Variants in PUDP observed in about 807,000 individuals in gnomAD.
The protein encoded by PUDP is pseudouridine 5'-phosphatase.
PUDP carries 8 observed loss-of-function variants against 9.4 expected under a neutral mutation model. That is an observed-to-expected ratio of 0.85 (90% CI 0.50 to 1.53). PUDP has a LOEUF of 1.53. Ranked by LOEUF, PUDP falls within the 40% of genes most tolerant of loss-of-function variation. The pLI is 0.00. For missense variants in PUDP, 188 were observed against 189.7 expected, an observed-to-expected ratio of 0.99 and a Z score of 0.05; for synonymous variants, 99 against 80.7, an observed-to-expected ratio of 1.23 and a Z score of -1.22.
chrX:7,109,026 C>T (rs1931964072), intron 1 of PUDP, among the ~76,000 whole-genome samples: 1 of 111,903 alleles, frequency 8.9e-6, no homozygotes, highest in Non-Finnish European at 1.9e-5. Context: ...TTGTAGAAGT[C>T]GAAGTTCAAG....
At chrX:6,873,579 T>C (rs1927207577) in intron 3 of PUDP, among the ~76,000 whole-genome samples, 1 of 111,977 alleles carries the variant, frequency 8.9e-6, no homozygotes, top group Non-Finnish European at 1.9e-5. Context: ...GATAAAATAA[T>C]GAATTGGCAA....
In PUDP at chrX:7,105,607, G is replaced by A. The variant is rs762646741; in HGVS notation, c.280+13C>T. 12 of 1,171,802 alleles carry A rather than the reference G, an allele frequency of 1.0e-5. No homozygotes were observed. Among genetic ancestry groups the A allele is most frequent in the African/African-American group, 3.6e-5 (2 of 55,979 alleles). On this transcript the variant is annotated intron_variant, in intron 2 of 3. Transcript: ENST00000381077. ...TCACAAACATAACCCTGCAAACAGC[G>A]AGGCAACCGCACCTGGCATGAGCGC...
At chrX:7,088,622 C>T (rs1322374297) in intron 2 of PUDP, among the ~76,000 whole-genome samples, 1 of 112,063 alleles carries the variant, frequency 8.9e-6, no homozygotes, top group East Asian at 2.8e-4. Context: ...TAGACTAGGA[C>T]TTAAACAATA....
chrX:6,873,254 C>T (rs1485855721), intron 3 of PUDP, among the ~76,000 whole-genome samples: 1 of 111,866 alleles, frequency 8.9e-6, no homozygotes, highest in Non-Finnish European at 1.9e-5. Context: ...AAGTTTTCCT[C>T]ACTGGACAAA....
chrX:6,808,355 G>T (rs1277931163), intron 3 of PUDP, among the ~76,000 whole-genome samples: 1 of 111,597 alleles, frequency 9.0e-6, no homozygotes, highest in Non-Finnish European at 1.9e-5. Context: ...TCACACCTTG[G>T]CAAAACTTTA....
intron 3 of PUDP, among the ~76,000 whole-genome samples, chrX:6,941,338 T>C (rs1320034422): frequency 4.3e-5 from 4 of 93,574 alleles, no homozygotes; most frequent in Non-Finnish European, 6.3e-5. Flanking sequence ...TTTTCTTTTC[T>C]GTCTTTTTTT....
intron 3 of PUDP, among the ~76,000 whole-genome samples, chrX:7,075,060 C>T (rs1471847009): frequency 8.9e-6 from 1 of 112,434 alleles, no homozygotes; most frequent in Non-Finnish European, 1.9e-5. Context: ...AACTACACAC[C>T]TGGTTTTTGT....
rs185082702 is a variant in PUDP at position 7,008,411 on chromosome X, C to A, written c.205-30068G>T. Among the ~76,000 whole-genome samples the A allele has an allele frequency of 3.7e-4, 41 of 110,998 alleles. 2 individuals carry two copies. The East Asian group carries it at 0.012, about 31-fold the overall frequency. On this transcript the variant is annotated intron_variant and NMD_transcript_variant, in intron 1 of 3. Transcript: ENST00000655425. ...AACTAATATTTGCATGATCTTTGCACAACACATAAACGCCCAGGAACAGGT... is the reference window on the plus strand; with the variant it reads ...AACTAATATTTGCATGATCTTTGCAAAACACATAAACGCCCAGGAACAGGT...
chrX:6,761,231 C>G (rs992866855), intron 3 of PUDP, among the ~76,000 whole-genome samples: 1 of 111,536 alleles, frequency 9.0e-6, no homozygotes, highest in Non-Finnish European at 1.9e-5. Flanking sequence ...ATTTCCTCTT[C>G]CTTCATAATC....
At chrX:6,985,474 G>T (rs1214694431) in intron 1 of PUDP, among the ~76,000 whole-genome samples, 1 of 110,258 alleles carries the variant, frequency 9.1e-6, no homozygotes, top group African/African-American at 3.3e-5. Flanking sequence ...AGTTTCTTCA[G>T]ACCCCTAATA....
intron 3 of PUDP, among the ~76,000 whole-genome samples, chrX:6,950,480 G>A (rs1280142668): frequency 3.5e-5 from 3 of 85,088 alleles, no homozygotes; most frequent in Non-Finnish European, 6.7e-5. Flanking sequence ...GTGTGATCTC[G>A]GCTCACTGCA....
intron 3 of PUDP, among the ~76,000 whole-genome samples, chrX:6,912,270 G>A (rs548022790): frequency 9.0e-6 from 1 of 111,534 alleles, no homozygotes; most frequent in Admixed American, 9.6e-5. Flanking sequence ...TTCCTTTGTT[G>A]ATTCAGAAGC....
chrX:6,720,258 G>GCATATATA (rs1555907523), intron 1 of PUDP, among the ~76,000 whole-genome samples: 1 of 48,805 alleles, frequency 2.0e-5, no homozygotes, highest in African/African-American at 1.0e-4. Context: ...GTGTGTGTGT[G>GCATATATA]TATATATATA....
chrX:6,809,047 C>T (rs937027386), intron 3 of PUDP, among the ~76,000 whole-genome samples: 1 of 111,549 alleles, frequency 9.0e-6, no homozygotes, highest in Non-Finnish European at 1.9e-5. Flanking sequence ...GAATTGAAGG[C>T]ATCAGATTTG....
chrX:6,896,478 G>A (rs1927593692), intron 3 of PUDP, among the ~76,000 whole-genome samples: 1 of 111,853 alleles, frequency 8.9e-6, no homozygotes, highest in Non-Finnish European at 1.9e-5. Flanking sequence ...GGCAGGTAAT[G>A]CAATATGGAA....
intron 3 of PUDP, among the ~76,000 whole-genome samples, chrX:6,776,188 A>G (rs755105198): frequency 3.6e-5 from 4 of 110,941 alleles, no homozygotes; most frequent in African/African-American, 6.6e-5. Flanking sequence ...ATTTAATTCA[A>G]TGGGGTGCCT....
intron 3 of PUDP, among the ~76,000 whole-genome samples, chrX:7,074,318 G>A (rs1219605976): frequency 8.9e-6 from 1 of 112,236 alleles, no homozygotes; most frequent in Non-Finnish European, 1.9e-5. Flanking sequence ...AGTGAACTAC[G>A]ATTGTGCTAC....
Position 6,765,460 on chromosome X carries a change from T to C in PUDP, c.*248-58994A>G, listed in dbSNP as rs1455519707. ...GACTTGCATAAACAGGATAAACAAA[T>C]CACGTCACAGGATTCAAATTACAAA... On this transcript the variant is annotated intron_variant and NMD_transcript_variant, in intron 3 of 3. Transcript: ENST00000655425. 2.7e-5 allele frequency among the ~76,000 whole-genome samples: 3 copies of C among 112,166 alleles called. No homozygotes were observed. The South Asian group carries it at 1.1e-3, about 41-fold the overall frequency.
intron 1 of PUDP, 27 bp downstream of exon 1, chrX:7,148,026 T>G (rs1156885897): frequency 4.5e-6 from 5 of 1,114,272 alleles, no homozygotes; most frequent in Non-Finnish European, 6.0e-6. Flanking sequence ...CCGCCCTTAC[T>G]GGAGGCGGCG....
Sources: allele counts gnomAD v4.1 joint callset (sites outside exome capture counted in the v4.1 genomes callset), GRCh38; gene constraint gnomAD v4.1.1; transcripts MANE v1.5; gene names NCBI Gene and HGNC (gene_info 2026-07-23, HGNC 2026-07-21).